AFDN: variants seen among roughly 807,000 people sequenced by gnomAD.
AFDN encodes afadin.
AFDN carries 68 observed loss-of-function variants against 216.6 expected under a neutral mutation model. The ratio of observed to expected loss-of-function variants is 0.31; its 90% CI spans 0.26 to 0.38. The LOEUF (loss-of-function observed/expected upper bound fraction) is 0.38. Ranked by LOEUF, AFDN falls within the 10% of genes least tolerant of loss-of-function variation. AFDN has a pLI of 1.00. For synonymous variants in AFDN, 868 were observed against 853.7 expected (o/e 1.02, Z -0.29); for missense variants, 2,136 against 2,342.0 (o/e 0.91, Z 1.82).
At position 167,917,136 on chromosome 6, in the gene AFDN, A is replaced by C. The variant is rs6906754; in HGVS notation, c.2613A>C (p.Pro871=). ...ATAAGTATGCACCTGATGACATTCCAAATATAAACAGCACCTGCTTTAAGT... is the reference window on the plus strand; with the variant it reads ...ATAAGTATGCACCTGATGACATTCCCAATATAAACAGCACCTGCTTTAAGT... ...TMDKYAPDDI[P]NINSTCFKLN... The change falls in exon 20 of 34, where the codon CCA becomes CCC. Residue 871 remains proline, a synonymous_variant. Transcript: ENST00000683244. The C allele has an allele frequency of 0.098, 158,599 of 1,612,986 alleles. 10,205 individuals carry two copies. The highest frequency in any genetic ancestry group is 0.22 in the South Asian group (20,023 of 90,788).
chr6:167,955,537 A>G (rs370271733), intron 30 of AFDN, among the ~76,000 whole-genome samples: 64 of 152,298 alleles, frequency 4.2e-4, no homozygotes, highest in African/African-American at 1.4e-3. Flanking sequence ...TCATTCAGCA[A>G]ATACTTGCTC....
chr6:167,876,175 G>A (rs1785354915), intron 5 of AFDN, among the ~76,000 whole-genome samples: 1 of 152,132 alleles, frequency 6.6e-6, no homozygotes, highest in Admixed American at 6.5e-5. Flanking sequence ...TGTCCAGACA[G>A]CCACCGTCTG....
chr6:167,883,666 C>T (rs1786428645), intron 6 of AFDN, among the ~76,000 whole-genome samples: 1 of 152,140 alleles, frequency 6.6e-6, no homozygotes, highest in Non-Finnish European at 1.5e-5. Context: ...AAAAAATGGA[C>T]CTACCTTAAT....
At chr6:167,920,689 G>A (rs1006205280) in intron 21 of AFDN, among the ~76,000 whole-genome samples, 3 of 152,102 alleles carry the variant, frequency 2.0e-5, no homozygotes, top group East Asian at 3.9e-4. Context: ...TCATCTTCCA[G>A]CCTTACTTCT....
intron 9 of AFDN, among the ~76,000 whole-genome samples, chr6:167,896,585 C>T (rs1247035732): frequency 6.6e-6 from 1 of 152,198 alleles, no homozygotes; most frequent in Admixed American, 6.5e-5. Context: ...GAATCATTAA[C>T]AAACGTCCAG....
intron 23 of AFDN, among the ~76,000 whole-genome samples, chr6:167,939,095 A>C (rs1483716219): frequency 2.0e-5 from 3 of 152,166 alleles, no homozygotes; most frequent in African/African-American, 7.2e-5. Flanking sequence ...TGGAGGAAGG[A>C]GGCTTGATTT....
chr6:167,835,271 A>G (rs887706109), intron 1 of AFDN, among the ~76,000 whole-genome samples: 1 of 152,240 alleles, frequency 6.6e-6, no homozygotes, highest in Non-Finnish European at 1.5e-5. Context: ...TATTATTGAC[A>G]TCACTGTCAT....
chr6:167,904,596 A>G (rs7770588), intron 12 of AFDN, among the ~76,000 whole-genome samples: 13,106 of 152,198 alleles, frequency 0.086, 1,094 homozygotes, highest in African/African-American at 0.22. Context: ...AAAGAAGACT[A>G]GATTTTCTTT....
intron 31 of AFDN, chr6:167,963,296 G>A (rs1290203965): frequency 9.4e-7 from 1 of 1,063,230 alleles, no homozygotes; most frequent in Non-Finnish European, 1.1e-6. Context: ...TCCCTGTGGG[G>A]GCCTGTTTCA....
intron 1 of AFDN, among the ~76,000 whole-genome samples, chr6:167,844,866 T>TTTTTTTTTTTTTTTTTTTTG (rs1399027374): frequency 7.4e-6 from 1 of 136,002 alleles, no homozygotes; most frequent in Non-Finnish European, 1.6e-5. Flanking sequence ...TTTTTTTTTT[T>TTTTTTTTTTTTTTTTTTTTG]TTTTGGTTTT....
chr6:167,879,330 A>G (rs1030561656), intron 5 of AFDN, among the ~76,000 whole-genome samples: 1 of 152,236 alleles, frequency 6.6e-6, no homozygotes, highest in African/African-American at 2.4e-5. Context: ...AAAAGAGAGT[A>G]TGAGAAATAT....
At chr6:167,891,111 A>G in intron 8 of AFDN, 82 bp downstream of exon 8, 1 of 1,165,302 alleles carries the variant, frequency 8.6e-7, no homozygotes, top group African/African-American at 1.6e-5. Flanking sequence ...TGCATCTTCA[A>G]GTAGTCTTCT....
chr6:167,948,096 T>C (rs1205974386), intron 28 of AFDN, 152 bp downstream of exon 28: 8 of 750,496 alleles, frequency 1.1e-5, no homozygotes, highest in Non-Finnish European at 1.7e-5. Flanking sequence ...ATTTTTAATA[T>C]ACTAGTCAGG....
In AFDN at chr6:167,947,916, C is replaced by G; in HGVS notation, c.3617C>G (p.Ser1206Cys). ...TCTGGAACAACAGCGAAGATAACAT[C>G]TGTCTCTACTGGAAACCTCTGCACT... ...YASGTTAKITSVSTGNLCTEE... is the reference protein window; with the variant it reads ...YASGTTAKITCVSTGNLCTEE... Residue 1206 changes from serine to cysteine, a missense_variant, in exon 28 of 34, where the codon TCT (serine) becomes TGT (cysteine). This residue lies in a region of AFDN where 981 missense variants were observed against 966.0 expected (regional missense o/e 1.02). Coordinates refer to ENST00000683244, the MANE Select transcript of AFDN (RefSeq NM_001386888.1). 1 of 1,613,724 alleles carries G rather than the reference C, an allele frequency of 6.2e-7. No individual in the cohort carries two copies. Among genetic ancestry groups the G allele is most frequent in the Non-Finnish European group, 8.5e-7 (1 of 1,179,700 alleles).
chr6:167,865,081 A>T (rs1784023167), intron 2 of AFDN, among the ~76,000 whole-genome samples: 1 of 138,322 alleles, frequency 7.2e-6, no homozygotes, highest in Non-Finnish European at 1.5e-5. Context: ...AGAATGTTTT[A>T]TGTGGCTCTT....
intron 12 of AFDN, among the ~76,000 whole-genome samples, chr6:167,905,173 A>G (rs1462676147): frequency 6.6e-6 from 1 of 152,178 alleles, no homozygotes. Context: ...TGTCACTGTC[A>G]CAGCACCTGA....
intron 26 of AFDN, 33 bp downstream of exon 26, chr6:167,944,092 C>T (rs1247568322): frequency 1.3e-6 from 2 of 1,513,678 alleles, no homozygotes; most frequent in South Asian, 2.3e-5. Flanking sequence ...CAGTGTTTTA[C>T]AGTCATGGCC....
At chr6:167,834,479 T>TTTC (rs33948165) in intron 1 of AFDN, among the ~76,000 whole-genome samples, 1 of 145,260 alleles carries the variant, frequency 6.9e-6, no homozygotes. Context: ...TTTTTTTTTT[T>TTTC]CGAAAGGTAT....
At chr6:167,903,758 C>T (rs1463885581) in intron 12 of AFDN, among the ~76,000 whole-genome samples, 2 of 152,148 alleles carry the variant, frequency 1.3e-5, no homozygotes, top group Non-Finnish European at 1.5e-5. Flanking sequence ...TGCTTGCTCC[C>T]TCCACTTCCA....
Sources: gnomAD v4.1 joint callset for allele counts (sites outside exome capture counted in the v4.1 genomes callset) on GRCh38, gnomAD v4.1.1 for gene constraint, gnomAD v4.1.1 regional missense constraint, MANE v1.5 for transcripts, NCBI Gene and HGNC (gene_info 2026-07-23, HGNC 2026-07-21) for gene names.